The following COL17A1 variants were observed in gnomAD, a reference collection of about 807,000 sequenced individuals.
The protein encoded by COL17A1 is collagen alpha-1(XVII) chain.
COL17A1 carries 181 observed loss-of-function variants against 218.4 expected under a neutral mutation model. That is an observed-to-expected ratio of 0.83 (90% CI 0.73 to 0.94). The LOEUF (loss-of-function observed/expected upper bound fraction) is 0.94. Among genes scored for constraint, COL17A1 ranks in the 40% least tolerant of loss-of-function variants. The pLI is 0.00. For missense variants in COL17A1, 1,924 were observed against 1,945.9 expected (o/e 0.99, Z 0.21); for synonymous variants, 721 against 731.0 (o/e 0.99, Z 0.22).
At chr10:104,034,364 G>A in intron 51 of COL17A1, 30 bp from the exon 52 acceptor site, 2 of 1,537,058 alleles carry the variant, frequency 1.3e-6, no homozygotes, top group South Asian at 1.2e-5. Context: ...ATGAGTGGGA[G>A]CTCAGATCTC....
chr10:104,036,194 GTGTGTA>G (rs1419726324), intron 48 of COL17A1, among the ~76,000 whole-genome samples: 2 of 152,106 alleles, frequency 1.3e-5, no homozygotes, highest in Non-Finnish European at 2.9e-5. Context: ...GTGAGTGTGT[GTGTGTA>G]TGGGAGTGTG....
chr10:104,058,152 T>G lies in COL17A1; in HGVS notation c.1261A>C (p.Thr421Pro), dbSNP rs998774088. The part of the protein sequence containing the change: ...KTVSTKGKTT[T>P]ADIHSYGSSG... Reference sequence around the variant, plus strand: ...GTTCGCGGTTCTCACCCACCTGCAGTGGTGGTCTTGCCCTTTGTGGACACA... The same window carrying G: ...GTTCGCGGTTCTCACCCACCTGCAGGGGTGGTCTTGCCCTTTGTGGACACA... Residue 421 changes from threonine to proline, a missense_variant, in exon 16 of 56, where the codon ACT becomes CCT. Coordinates refer to ENST00000648076, the MANE Select transcript of COL17A1 (RefSeq NM_000494.4). The G allele has an allele frequency of 1.9e-6, 3 of 1,614,186 alleles. No homozygotes were observed. The highest frequency in any genetic ancestry group is 1.3e-5 in the African/African-American group (1 of 75,048).
At position 104,050,663 on chromosome 10, in the gene COL17A1, A is replaced by C; in HGVS notation, c.2093-7T>G. 1.9e-6 allele frequency: 3 copies of C among 1,613,980 alleles called. No individual in the cohort carries two copies. The highest frequency in any genetic ancestry group is 2.5e-6 in the Non-Finnish European group (3 of 1,180,014). Reference sequence around the variant, plus strand: ...CCCATTGGTCCTTTGTCACCTAAAAAGGAAATGGACACCTTGGTGTAAAAT... The same window carrying C: ...CCCATTGGTCCTTTGTCACCTAAAACGGAAATGGACACCTTGGTGTAAAAT... On this transcript the variant is annotated splice_polypyrimidine_tract_variant and splice_region_variant and intron_variant, in intron 26 of 55. Transcript: ENST00000648076.
rs771509812 is a variant in COL17A1 at position 104,034,311 on chromosome 10, C to T, written c.3790G>A (p.Val1264Ile). Residue 1264 changes from valine to isoleucine, a missense_variant, in exon 52 of 56, where the codon GTT becomes ATT. Physicochemically the swap from Val to Ile is conservative, Grantham distance 29. Coordinates refer to ENST00000648076, the MANE Select transcript of COL17A1 (RefSeq NM_000494.4). ...GGCCCAGGAGGGCCTGGGGGGCCAA[C>T]AATGAAGCTGCGCACATCAGGACCT... ...LTSPDVRSFI[V>I]GPPGPPGPQG... 3 of 1,568,902 alleles carry T rather than the reference C, an allele frequency of 1.9e-6. No individual in the cohort carries two copies. The highest frequency in any genetic ancestry group is 1.4e-5 in the African/African-American group (1 of 73,862).
At position 104,036,369 on chromosome 10, in the gene COL17A1, T is replaced by G. The variant is rs1055428576; in HGVS notation, c.3418+123A>C. 1.0e-5 allele frequency: 14 copies of G among 1,373,452 alleles called. No homozygotes were observed. In the African/African-American group the frequency reaches 1.9e-4, roughly 18 times the overall value. 85.1% of individuals were successfully genotyped at this position (1,373,452 alleles called of 1,614,324 possible). ...TTGAACGGCTCTGAGCACTGCTCAT[T>G]GCTGGGGTTGGTGCAGTCTGGCAGG... On this transcript the variant is annotated intron_variant, in intron 48 of 55. Transcript: ENST00000648076.
At position 104,034,196 on chromosome 10, in the gene COL17A1, C is replaced by A; in HGVS notation, c.3905G>T (p.Arg1302Met). 6.2e-7 allele frequency: 1 copy of A among 1,613,294 alleles called. No individual in the cohort carries two copies. Among genetic ancestry groups the A allele is most frequent in the Non-Finnish European group, 8.5e-7 (1 of 1,179,934 alleles). Residue 1302 changes from arginine (R) to methionine (M), a missense_variant, in exon 52 of 56, where the codon AGG (arginine) becomes ATG (methionine). Physicochemically the swap from Arg to Met is moderately conservative, Grantham distance 91. Transcript: ENST00000648076. ...GGAAGAGCTGTAGGAGCTGCCCCGC[C>A]TGACAGATGAGCTGTGTGAGGAGGA... ...SSSSSHSSSV[R>M]RGSSYSSSMS...
At chr10:104,052,295 A>C (rs2086477640) in intron 23 of COL17A1, 78 bp from the exon 24 acceptor site, 1 of 1,583,032 alleles carries the variant, frequency 6.3e-7, no homozygotes, top group African/African-American at 1.3e-5. Context: ...TGTCATTTGG[A>C]GGGGATGCTT....
rs2086610524 is a variant in COL17A1, at chr10:104,064,539, G to A, written c.665C>T (p.Ser222Phe). The A allele has an allele frequency of 6.2e-7, 1 of 1,614,060 alleles. No individual in the cohort carries two copies. Among genetic ancestry groups the A allele is most frequent in the Non-Finnish European group, 8.5e-7 (1 of 1,179,994 alleles). Residue 222 changes from serine (S) to phenylalanine (F), a missense_variant, in exon 10 of 56, where the codon TCC becomes TTC. Ser to Phe is a radical substitution (Grantham distance 155). Transcript: ENST00000648076. The stretch of plus-strand genomic sequence containing the variant: ...GGAGGACCCCGCGGGCAGGGTGGAG[G>A]ACCACACATGGGAGGGAAGGTTGGC... ...LDANLPSHVW[S>F]STLPAGSSMG...
chr10:104,076,392 G>A lies in COL17A1; in HGVS notation c.240C>T (p.Tyr80=), dbSNP rs1040602772. The A allele has an allele frequency of 1.9e-6, 3 of 1,614,070 alleles. No homozygotes were observed. Among genetic ancestry groups the A allele is most frequent in the Non-Finnish European group, 1.7e-6 (2 of 1,180,020 alleles). Residue 80 remains tyrosine (Y), a synonymous_variant, in exon 5 of 56, where the codon TAC becomes TAT. Transcript: ENST00000648076. ...TGGAGGCAGGTGAGTGAGCCCTCCTGTAACTAGAGGTGGAGGCATGGCCTC... is the reference window on the plus strand; with the variant it reads ...TGGAGGCAGGTGAGTGAGCCCTCCTATAACTAGAGGTGGAGGCATGGCCTC... ...STRGHASTSS[Y]RRAHSPASTL... is the part of the protein sequence containing the mutation.
chr10:104,032,663 T>C lies in COL17A1; in HGVS notation c.4438+11A>G. 1 of 1,613,612 alleles carries C rather than the reference T, an allele frequency of 6.2e-7. No homozygotes were observed. Among genetic ancestry groups the C allele is most frequent in the Non-Finnish European group, 8.5e-7 (1 of 1,179,652 alleles). ...CCAGAACATGCAAAACGTGGAGCAGTCAACACTTACCTTTGTCTCCTTTTT... is the reference window on the plus strand; with the variant it reads ...CCAGAACATGCAAAACGTGGAGCAGCCAACACTTACCTTTGTCTCCTTTTT... On this transcript the variant is annotated intron_variant, in intron 55 of 55. Transcript: ENST00000648076.
chr10:104,054,666 G>C (rs573991389), intron 20 of COL17A1, among the ~76,000 whole-genome samples: 1 of 152,132 alleles, frequency 6.6e-6, no homozygotes, highest in Non-Finnish European at 1.5e-5. Context: ...CAGAATCACC[G>C]TGGATGACTA....
intron 48 of COL17A1, among the ~76,000 whole-genome samples, chr10:104,036,089 AGTGTGTGT>A (rs371776835): frequency 6.6e-4 from 1 of 1,514 alleles, no homozygotes; most frequent in Non-Finnish European, 1.4e-3. Context: ...TGTGTATGGG[AGTGTGTGT>A]GTATGGGAGT....
chr10:104,033,952 G>A lies in COL17A1; in HGVS notation c.4149C>T (p.Ser1383=). The part of the protein sequence containing the change: ...YNELAVRVSE[S]MQRQGLLQGM... ...CTAAATGTCCCCACTTACGCTGCAT[G>A]CTCTCTGACACCCTCACAGCCAGCT... The change falls in exon 52 of 56, where the codon AGC becomes AGT. Residue 1383 remains serine (S), a synonymous_variant. Transcript: ENST00000648076. 2 of 1,614,174 alleles carry A rather than the reference G, an allele frequency of 1.2e-6. No individual in the cohort carries two copies. The highest frequency in any genetic ancestry group is 1.7e-6 in the Non-Finnish European group (2 of 1,180,026).
chr10:104,063,741 A>C lies in COL17A1; in HGVS notation c.838+6T>G, dbSNP rs745308393. 1.2e-6 allele frequency: 2 copies of C among 1,614,192 alleles called. No individual in the cohort carries two copies. The highest frequency in any genetic ancestry group is 4.5e-5 in the East Asian group (2 of 44,888). Reference sequence around the variant, plus strand: ...GGAAAAGTCATCTCAAGATGGTGACACTGACCTGAGGAGGATGTGCTGAGT... The same window carrying C: ...GGAAAAGTCATCTCAAGATGGTGACCCTGACCTGAGGAGGATGTGCTGAGT... On this transcript the variant is annotated splice_donor_region_variant and intron_variant, in intron 11 of 55. Coordinates refer to ENST00000648076, the MANE Select transcript of COL17A1 (RefSeq NM_000494.4).
intron 52 of COL17A1, 115 bp from the exon 53 acceptor site, chr10:104,033,490 C>A: frequency 7.8e-7 from 1 of 1,285,268 alleles, no homozygotes; most frequent in Non-Finnish European, 1.1e-6. Context: ...TAGATCAAGC[C>A]GCAGCAAGGG....
In COL17A1 at chr10:104,048,067, A is replaced by G. The variant is rs2086430493; in HGVS notation, c.2263+2T>C. ...GCTGGGGGCAGCAGATGAGTGACCAACCTCTTGGGCCTTGGTGTCCGTCTG... is the reference window on the plus strand; with the variant it reads ...GCTGGGGGCAGCAGATGAGTGACCAGCCTCTTGGGCCTTGGTGTCCGTCTG... On this transcript the variant is annotated splice_donor_variant, in intron 30 of 55. Transcript: ENST00000648076. LOFTEE classifies it high-confidence loss of function. 1.2e-6 allele frequency: 2 copies of G among 1,613,816 alleles called. No individual in the cohort carries two copies. Among genetic ancestry groups the G allele is most frequent in the African/African-American group, 1.3e-5 (1 of 74,810 alleles).
At position 104,037,086 on chromosome 10, in the gene COL17A1, G is replaced by GAGA; in HGVS notation, c.3233_3235dup (p.Phe1078dup). 3 of 1,607,904 alleles carry GAGA rather than the reference G, an allele frequency of 1.9e-6. No individual in the cohort carries two copies. The highest frequency in any genetic ancestry group is 2.5e-6 in the Non-Finnish European group (3 of 1,177,790). ...AATGTCTTCAGAAGAGATGGAGGAC[G>GAGA]AGAACAAGCTGACACCGTACCCCGA... On this transcript the variant is annotated inframe_insertion, in exon 47 of 56. Transcript: ENST00000648076.
At chr10:104,085,196 C>G (rs939319676) in intron 1 of COL17A1, among the ~76,000 whole-genome samples, 2 of 152,158 alleles carry the variant, frequency 1.3e-5, no homozygotes, top group African/African-American at 4.8e-5. Context: ...AATTTTACAG[C>G]ATGGTAAACA....
In COL17A1 at chr10:104,034,279, T is replaced by A; in HGVS notation, c.3822A>T (p.Gly1274=). Residue 1274 remains glycine (G), a synonymous_variant, in exon 52 of 56, where the codon GGA becomes GGT. Transcript: ENST00000648076. ...ACAGGAGGCGGCTGTCCCCAGGGGG[T>A]CCCTGCGGCCCAGGAGGGCCTGGGG... The part of the protein sequence containing the change: ...VGPPGPPGPQ[G]PPGDSRLLST... The A allele has an allele frequency of 6.3e-7, 1 of 1,593,020 alleles. No individual in the cohort carries two copies.
Sources: allele counts gnomAD v4.1 joint callset (sites outside exome capture counted in the v4.1 genomes callset), GRCh38; gene constraint gnomAD v4.1.1; transcripts MANE v1.5; gene names NCBI Gene and HGNC (gene_info 2026-07-23, HGNC 2026-07-21).